Variants in ANO3 observed in about 807,000 individuals in gnomAD.
ANO3 encodes the protein anoctamin 3, also known as anoctamin-3.
In ANO3, 99 loss-of-function variants were observed where a neutral mutation model predicts 144.8. The observed-to-expected ratio is 0.68, with a 90% confidence interval of 0.58 to 0.81. The LOEUF (loss-of-function observed/expected upper bound fraction) is 0.81, where lower values mean the gene tolerates loss of function less well. ANO3 is among the 30% of genes least tolerant of loss of function. The pLI is 0.00. For missense variants in ANO3, 905 were observed against 1,202.2 expected (o/e 0.75, Z 3.66); for synonymous variants, 414 against 392.6 (o/e 1.05, Z -0.64).
intron 9 of ANO3, among the ~76,000 whole-genome samples, chr11:26,535,571 CTTTTTTTTT>C (rs72278856): frequency 2.2e-4 from 13 of 58,610 alleles, no homozygotes; most frequent in South Asian, 2.2e-3. Flanking sequence ...AAGACAGCCA[CTTTTTTTTT>C]TTTTTTTTTT....
chr11:26,391,311 G>A (rs1172792941), intron 1 of ANO3, among the ~76,000 whole-genome samples: 1 of 151,812 alleles, frequency 6.6e-6, no homozygotes, highest in East Asian at 1.9e-4. Context: ...CTGTTCCCTG[G>A]GTAACTCATT....
chr11:26,566,193 A>G (rs965453698), intron 14 of ANO3, among the ~76,000 whole-genome samples: 33 of 152,072 alleles, frequency 2.2e-4, no homozygotes, highest in African/African-American at 7.9e-4. Context: ...GAAGAAAACC[A>G]TAAAAACCCA....
intron 1 of ANO3, among the ~76,000 whole-genome samples, chr11:26,250,109 G>A (rs1312270563): frequency 6.6e-6 from 1 of 152,190 alleles, no homozygotes; most frequent in African/African-American, 2.4e-5. Context: ...AAGGGAGAAT[G>A]AGAAATTTAA....
At chr11:26,616,739 C>T (rs992138582) in intron 17 of ANO3, among the ~76,000 whole-genome samples, 1 of 151,968 alleles carries the variant, frequency 6.6e-6, no homozygotes, top group African/African-American at 2.4e-5. Context: ...GGGAGGTTTA[C>T]CCTCAAACAT....
At chr11:26,584,727 C>A (rs1851230591) in intron 14 of ANO3, among the ~76,000 whole-genome samples, 1 of 152,156 alleles carries the variant, frequency 6.6e-6, no homozygotes, top group African/African-American at 2.4e-5. Flanking sequence ...ACCACCTGGG[C>A]CTTGTTTTCT....
At chr11:26,633,972 G>T (rs1852866800) in intron 18 of ANO3, among the ~76,000 whole-genome samples, 1 of 151,720 alleles carries the variant, frequency 6.6e-6, no homozygotes, top group African/African-American at 2.4e-5. Flanking sequence ...CAGCTACTTG[G>T]GAGGCTGAGC....
intron 14 of ANO3, among the ~76,000 whole-genome samples, chr11:26,588,294 T>G (rs1851346188): frequency 6.6e-6 from 1 of 151,158 alleles, no homozygotes; most frequent in Non-Finnish European, 1.5e-5. Context: ...AAATAACAAT[T>G]TATTTCAATT....
chr11:26,426,862 C>G (rs757563349), intron 1 of ANO3, among the ~76,000 whole-genome samples: 3 of 152,172 alleles, frequency 2.0e-5, no homozygotes, highest in Non-Finnish European at 4.4e-5. Context: ...TAAAAACTGT[C>G]AAACACTTTA....
intron 1 of ANO3, among the ~76,000 whole-genome samples, chr11:26,319,461 G>A (rs922850645): frequency 7.9e-5 from 12 of 152,068 alleles, no homozygotes; most frequent in African/African-American, 2.2e-4. Context: ...TAACTATATC[G>A]TTGGGTATTA....
intron 4 of ANO3, among the ~76,000 whole-genome samples, chr11:26,492,233 T>C (rs1239549542): frequency 6.6e-6 from 1 of 152,254 alleles, no homozygotes; most frequent in African/African-American, 2.4e-5. Context: ...CTGAGCTCTA[T>C]GTTCTGTGCT....
intron 1 of ANO3, among the ~76,000 whole-genome samples, chr11:26,419,721 A>G (rs1027612972): frequency 6.6e-6 from 1 of 152,118 alleles, no homozygotes; most frequent in Non-Finnish European, 1.5e-5. Flanking sequence ...ATTAAAGCAA[A>G]GTACGTATTG....
At chr11:26,269,723 T>C (rs1853399926) in intron 1 of ANO3, among the ~76,000 whole-genome samples, 1 of 152,292 alleles carries the variant, frequency 6.6e-6, no homozygotes, top group South Asian at 2.1e-4. Context: ...TCACGGAGTC[T>C]GGAGTCAGAT....
intron 13 of ANO3, among the ~76,000 whole-genome samples, chr11:26,557,310 A>C (rs1187531247): frequency 1.3e-5 from 2 of 151,708 alleles, no homozygotes; most frequent in Admixed American, 1.3e-4. Context: ...AAATACAAAA[A>C]ATTAGCCGGG....
intron 14 of ANO3, among the ~76,000 whole-genome samples, chr11:26,587,846 C>T (rs1167428968): frequency 6.6e-6 from 1 of 150,804 alleles, no homozygotes; most frequent in African/African-American, 2.5e-5. Flanking sequence ...GTCTCAGCTA[C>T]TCAGGAGGCT....
intron 4 of ANO3, among the ~76,000 whole-genome samples, chr11:26,495,705 T>C (rs1422835801): frequency 1.3e-5 from 2 of 152,132 alleles, no homozygotes; most frequent in Non-Finnish European, 2.9e-5. Flanking sequence ...ACATAGGTCT[T>C]CTGGGTCATG....
chr11:26,325,555 C>A (rs1188178352), intron 1 of ANO3, among the ~76,000 whole-genome samples: 4 of 152,092 alleles, frequency 2.6e-5, no homozygotes, highest in Non-Finnish European at 5.9e-5. Flanking sequence ...GGTTTCAAGT[C>A]ATCAATATTT....
At position 26,508,532 on chromosome 11, in the gene ANO3, A is replaced by G. The variant is rs117975000; in HGVS notation, c.591+270A>G. 9,750 of 379,340 alleles carry G rather than the reference A, an allele frequency of 0.026. 158 individuals carry two copies. Among genetic ancestry groups the G allele is most frequent in the Non-Finnish European group, 0.035 (7,461 of 215,154 alleles). The allele number at this position is 379,340 out of a possible 1,614,324, so 23.5% of individuals were successfully genotyped here. On this transcript the variant is annotated intron_variant, in intron 5 of 26. Coordinates refer to ENST00000256737, the MANE Select transcript of ANO3 (RefSeq NM_031418.4). ...ATAAGGAATGATTATAGTTATGTCA[A>G]GTAGAAAACTTTATGAAAAGGAAAA... is the stretch of plus-strand genomic sequence containing the variant.
chr11:26,598,544 A>C (rs1174282995), intron 15 of ANO3, 97 bp downstream of exon 15: 2 of 849,442 alleles, frequency 2.4e-6, no homozygotes, highest in Non-Finnish European at 3.7e-6. Context: ...GTTAACCACC[A>C]TTAGATTTTT....
chr11:26,622,439 A>AAG (rs1224431330), intron 17 of ANO3, among the ~76,000 whole-genome samples: 1 of 151,422 alleles, frequency 6.6e-6, no homozygotes, highest in Non-Finnish European at 1.5e-5. Context: ...TGAAAAAAAA[A>AAG]AAAAGAAAAG....
Sources: allele counts gnomAD v4.1 joint callset (sites outside exome capture counted in the v4.1 genomes callset), GRCh38; gene constraint gnomAD v4.1.1; transcripts MANE v1.5; gene names NCBI Gene and HGNC (gene_info 2026-07-23, HGNC 2026-07-21).